The following NCAM2 variants were observed in gnomAD, a reference collection of about 807,000 sequenced individuals.
NCAM2 encodes neural cell adhesion molecule 2.
In NCAM2, 30 loss-of-function variants were observed where a neutral mutation model predicts 98.1. The ratio of observed to expected loss-of-function variants is 0.31; its 90% CI spans 0.23 to 0.41. The LOEUF (loss-of-function observed/expected upper bound fraction) is 0.41. NCAM2 is among the 10% of genes least tolerant of loss of function. NCAM2 has a pLI of 1.00. For synonymous variants in NCAM2, 368 were observed against 342.4 expected (o/e 1.07, Z -0.83); for missense variants, 867 against 1,005.8 (o/e 0.86, Z 1.87).
At chr21:21,343,352 T>TAC (rs1207234552) in intron 8 of NCAM2, among the ~76,000 whole-genome samples, 1,820 of 110,086 alleles carry the variant, frequency 0.017, 55 homozygotes, top group East Asian at 0.095. Context: ...CAACTATCTA[T>TAC]ACACATACAC....
In NCAM2 at chr21:21,335,531, A is replaced by G. The variant is rs758299699; in HGVS notation, c.764A>G (p.Glu255Gly). Residue 255 changes from glutamate to glycine, a missense_variant, in exon 7 of 18, where the codon GAG (glutamate) becomes GGG (glycine). By Grantham distance (98) the Glu-to-Gly change is moderately conservative. Around this residue, in one of 5 missense-constraint regions of NCAM2, gnomAD observed 447 missense variants for 495.7 expected, o/e 0.90. Coordinates refer to ENST00000400546, the MANE Select transcript of NCAM2 (RefSeq NM_004540.5). ...AATGGCAAGCTCATTGAAGAAAATG[A>G]GAAGTACATATTGAAAGGGAGCAAT... Reference protein sequence around the residue: ...FRNGKLIEENEKYILKGSNTE... With the variant: ...FRNGKLIEENGKYILKGSNTE... 9.4e-6 allele frequency: 15 copies of G among 1,601,850 alleles called. No homozygotes were observed. The South Asian group carries it at 1.7e-4, about 18-fold the overall frequency.
chr21:21,016,984 G>C (rs1409669471), intron 1 of NCAM2, among the ~76,000 whole-genome samples: 2 of 152,110 alleles, frequency 1.3e-5, no homozygotes, highest in Non-Finnish European at 2.9e-5. Flanking sequence ...AAAAGCTTAT[G>C]ATATAAAAGA....
intron 1 of NCAM2, among the ~76,000 whole-genome samples, chr21:21,219,614 T>C (rs2070053997): frequency 6.6e-6 from 1 of 152,248 alleles, no homozygotes; most frequent in African/African-American, 2.4e-5. Context: ...TACTGCATAG[T>C]ACTTGATATT....
chr21:21,422,126 A>C (rs2077123544), intron 11 of NCAM2, among the ~76,000 whole-genome samples: 2 of 152,126 alleles, frequency 1.3e-5, no homozygotes, highest in Non-Finnish European at 2.9e-5. Context: ...CAGAGAGGGT[A>C]AAAAGAGTGC....
chr21:21,433,370 T>G (rs915971345), intron 12 of NCAM2, among the ~76,000 whole-genome samples: 3 of 151,562 alleles, frequency 2.0e-5, no homozygotes, highest in African/African-American at 7.3e-5. Flanking sequence ...AGGACTATAG[T>G]TTTTTTTTAA....
intron 12 of NCAM2, among the ~76,000 whole-genome samples, chr21:21,457,191 A>AG (rs113973980): frequency 0.15 from 22,534 of 152,138 alleles, 1,693 homozygotes; most frequent in African/African-American, 0.17. Context: ...CAAGGGAAAA[A>AG]AGAGCTACAT....
At chr21:21,120,779 C>T (rs180957297) in intron 1 of NCAM2, among the ~76,000 whole-genome samples, 9 of 147,480 alleles carry the variant, frequency 6.1e-5, no homozygotes, top group African/African-American at 1.0e-4. Flanking sequence ...AGTGCAGTGG[C>T]GCAATCTCGG....
chr21:21,505,290 C>T (rs1987912999), intron 15 of NCAM2, among the ~76,000 whole-genome samples: 1 of 151,958 alleles, frequency 6.6e-6, no homozygotes, highest in Admixed American at 6.6e-5. Flanking sequence ...AAAGAGAGTT[C>T]TCTCTGAGTC....
At chr21:21,226,376 A>G (rs1265130834) in intron 1 of NCAM2, among the ~76,000 whole-genome samples, 4 of 152,138 alleles carry the variant, frequency 2.6e-5, no homozygotes, top group Non-Finnish European at 5.9e-5. Flanking sequence ...GGAAACAGAA[A>G]CAAATGTATG....
In NCAM2 at chr21:21,136,623, G is replaced by GGTT. The variant is rs373375869; in HGVS notation, c.55+138005_55+138006insGTT. The stretch of plus-strand genomic sequence containing the variant: ...ATTATAGGTGCAGGCCACCACGCCT[G>GGTT]TTTTTTGTTTTTTTTTTTATTTTTA... On this transcript the variant is annotated intron_variant, in intron 1 of 17. Transcript: ENST00000400546. 1.4e-3 allele frequency among the ~76,000 whole-genome samples: 77 copies of GGTT among 55,784 alleles called. 1 individual carries two copies. The East Asian group carries it at 0.018, about 13-fold the overall frequency. The allele number at this position is 55,784 out of a possible 152,430, so 36.6% of individuals were successfully genotyped here.
intron 1 of NCAM2, among the ~76,000 whole-genome samples, chr21:21,112,696 C>A (rs976068995): frequency 2.0e-5 from 3 of 152,096 alleles, no homozygotes; most frequent in African/African-American, 7.2e-5. Flanking sequence ...GGCCTTATCA[C>A]CCACAAGCAA....
chr21:21,198,401 TG>T (rs2069090050), intron 1 of NCAM2, among the ~76,000 whole-genome samples: 5 of 152,144 alleles, frequency 3.3e-5, no homozygotes, highest in Non-Finnish European at 5.9e-5. Flanking sequence ...TTGGCCGGAA[TG>T]TACTTTACTG....
At chr21:21,320,774 A>C (rs1202662836) in intron 5 of NCAM2, among the ~76,000 whole-genome samples, 2 of 152,172 alleles carry the variant, frequency 1.3e-5, no homozygotes, top group African/African-American at 4.8e-5. Context: ...TATTTGAAAA[A>C]TTGTCAAAGA....
chr21:21,241,355 A>G (rs542547896), intron 1 of NCAM2, among the ~76,000 whole-genome samples: 81 of 152,142 alleles, frequency 5.3e-4, no homozygotes, highest in African/African-American at 1.9e-3. Flanking sequence ...AACATACAGT[A>G]TTTTCACAGT....
chr21:21,491,866 T>C (rs1235264737), intron 15 of NCAM2, among the ~76,000 whole-genome samples: 7 of 151,728 alleles, frequency 4.6e-5, no homozygotes, highest in African/African-American at 1.7e-4. Flanking sequence ...TATACTTCTT[T>C]TAAATGATAC....
intron 16 of NCAM2, among the ~76,000 whole-genome samples, chr21:21,528,359 A>G (rs554148885): frequency 6.6e-6 from 1 of 152,250 alleles, no homozygotes; most frequent in Non-Finnish European, 1.5e-5. Context: ...TGGGGTAATG[A>G]TGTGTCAAGG....
chr21:21,063,818 T>TA (rs2065375303), intron 1 of NCAM2, among the ~76,000 whole-genome samples: 1 of 152,214 alleles, frequency 6.6e-6, no homozygotes, highest in African/African-American at 2.4e-5. Context: ...AGCTTATTGT[T>TA]TATTAGTCAT....
chr21:21,275,198 T>G (rs1363608545), intron 1 of NCAM2, among the ~76,000 whole-genome samples: 1 of 151,964 alleles, frequency 6.6e-6, no homozygotes, highest in African/African-American at 2.4e-5. Context: ...CCCAGCACTT[T>G]GGGAGGCCGA....
At chr21:21,006,730 A>G (rs1428770259) in intron 1 of NCAM2, among the ~76,000 whole-genome samples, 2 of 152,180 alleles carry the variant, frequency 1.3e-5, no homozygotes, top group Non-Finnish European at 2.9e-5. Flanking sequence ...TGTAATAGGC[A>G]TCTCGTGAAG....
Sources: allele counts gnomAD v4.1 joint callset (sites outside exome capture counted in the v4.1 genomes callset), GRCh38; gene constraint gnomAD v4.1.1; regional missense constraint gnomAD v4.1.1; transcripts MANE v1.5; gene names NCBI Gene and HGNC (gene_info 2026-07-23, HGNC 2026-07-21).